TRAK2: variants seen among roughly 807,000 people sequenced by gnomAD.
The protein encoded by TRAK2 is trafficking kinesin protein 2.
A neutral mutation model predicts 104.6 loss-of-function variants in TRAK2; 81 were observed. The ratio of observed to expected loss-of-function variants is 0.77; its 90% CI spans 0.65 to 0.93. The LOEUF (loss-of-function observed/expected upper bound fraction) is 0.93, where lower values mean the gene tolerates loss of function less well. TRAK2 is among the 40% of genes least tolerant of loss of function. The pLI, the probability that TRAK2 is intolerant of heterozygous loss-of-function variation, is 0.00. For missense variants in TRAK2, 1,002 were observed against 1,089.0 expected (o/e 0.92, Z 1.12); for synonymous variants, 406 against 394.4 (o/e 1.03, Z -0.35).
chr2:201,387,000 C>T (rs1412139561), intron 13 of TRAK2, among the ~76,000 whole-genome samples: 2 of 152,204 alleles, frequency 1.3e-5, no homozygotes, highest in Non-Finnish European at 2.9e-5. Flanking sequence ...GATGCAATGT[C>T]TAATTATGTC....
intron 2 of TRAK2, chr2:201,412,116 C>T (rs1279263178): frequency 2.8e-6 from 3 of 1,066,622 alleles, no homozygotes; most frequent in Non-Finnish European, 4.4e-6. Flanking sequence ...ACATATTCTT[C>T]TTTGGTGCAT....
Position 201,451,337 on chromosome 2 carries a change from A to C in TRAK2, c.-200+13T>G, listed in dbSNP as rs374954067. ...AAGGGCAAGTTCGGGTTCTGCGCGG[A>C]CAGCTTACTCACTGGAGTGGTTCGG... On this transcript the variant is annotated intron_variant, in intron 1 of 15. Coordinates refer to ENST00000332624, the MANE Select transcript of TRAK2 (RefSeq NM_015049.3). 1.3e-5 allele frequency: 2 copies of C among 152,282 alleles called. No individual in the cohort carries two copies. Among genetic ancestry groups the C allele is most frequent in the South Asian group, 4.2e-4 (2 of 4,818 alleles). 9.4% of individuals were successfully genotyped at this position (152,282 alleles called of 1,614,324 possible).
chr2:201,410,584 C>T lies in TRAK2; in HGVS notation c.92-2987G>A, dbSNP rs1304728673. 54 of 1,253,348 alleles carry T rather than the reference C, an allele frequency of 4.3e-5. 1 individual carries two copies. The highest frequency in any genetic ancestry group is 1.5e-4 in the South Asian group (12 of 82,222). The allele number at this position is 1,253,348 out of a possible 1,614,324, so 77.6% of individuals were successfully genotyped here. On this transcript the variant is annotated intron_variant, in intron 2 of 15. Transcript: ENST00000332624. ...TTTAAAATCATTGCTAGCTGAACTG[C>T]TATTGGTCATAGCAGTTGGTGGCTA...
intron 1 of TRAK2, among the ~76,000 whole-genome samples, chr2:201,425,321 GTAAAC>G (rs1211711342): frequency 2.0e-5 from 3 of 152,154 alleles, no homozygotes; most frequent in Non-Finnish European, 1.5e-5. Context: ...CAGAATTTAG[GTAAAC>G]TAAACAACAG....
Position 201,407,431 on chromosome 2 carries a change from G to C in TRAK2, c.258C>G (p.Val86=). 1 of 1,613,928 alleles carries C rather than the reference G, an allele frequency of 6.2e-7. No homozygotes were observed. The highest frequency in any genetic ancestry group is 8.5e-7 in the Non-Finnish European group (1 of 1,179,886). The change falls in exon 3 of 16, where the codon GTC becomes GTG. Residue 86 remains valine (V), a synonymous_variant. Coordinates refer to ENST00000332624, the MANE Select transcript of TRAK2 (RefSeq NM_015049.3). ...TGTAACGGAAAGTCTCTTCAGCAAG[G>C]ACTGGAGAGAGAGCATCAGATGCAT... ...RQHASDALSP[V]LAEETFRYMI... is the part of the protein sequence containing the mutation.
chr2:201,440,613 G>A (rs1951913455), intron 1 of TRAK2, among the ~76,000 whole-genome samples: 2 of 152,110 alleles, frequency 1.3e-5, no homozygotes, highest in Non-Finnish European at 2.9e-5. Flanking sequence ...CTATTCTTTT[G>A]TGAGAATTTT....
At chr2:201,405,356 C>T (rs1351256533) in intron 3 of TRAK2, among the ~76,000 whole-genome samples, 1 of 152,216 alleles carries the variant, frequency 6.6e-6, no homozygotes, top group African/African-American at 2.4e-5. Context: ...TATACACTCT[C>T]TCCGATTCCT....
chr2:201,384,914 G>A (rs1951375100), intron 14 of TRAK2, among the ~76,000 whole-genome samples: 1 of 152,086 alleles, frequency 6.6e-6, no homozygotes, highest in Non-Finnish European at 1.5e-5. Context: ...GTTATCTAGA[G>A]GAAAACACTT....
intron 2 of TRAK2, chr2:201,410,767 A>C (rs1951638621): frequency 4.4e-6 from 7 of 1,592,118 alleles, no homozygotes; most frequent in Non-Finnish European, 6.0e-6. Context: ...CTGTTGTGAT[A>C]ATTGGTTCAT....
At chr2:201,390,582 GT>G (rs1951438183) in intron 10 of TRAK2, among the ~76,000 whole-genome samples, 2 of 123,548 alleles carry the variant, frequency 1.6e-5, no homozygotes. Context: ...AAAAAAAAAA[GT>G]AAAAACAAAA....
intron 1 of TRAK2, 105 bp downstream of exon 1, chr2:201,451,245 C>G (rs1024857597): frequency 6.6e-6 from 1 of 152,366 alleles, no homozygotes; most frequent in African/African-American, 2.4e-5. Flanking sequence ...CCGACGTCCG[C>G]GCGTGACCTC....
intron 1 of TRAK2, among the ~76,000 whole-genome samples, chr2:201,422,525 G>T (rs73988785): frequency 0.063 from 9,551 of 152,112 alleles, 626 homozygotes; most frequent in East Asian, 0.26. Context: ...TTACCCTCAA[G>T]AAGTAGAAAG....
chr2:201,412,008 T>C (rs886254755), intron 2 of TRAK2: 12 of 999,236 alleles, frequency 1.2e-5, no homozygotes, highest in Non-Finnish European at 1.6e-5. Context: ...GGAGGGGTTT[T>C]GGTTAGTAGC....
intron 10 of TRAK2, 106 bp from the exon 11 acceptor site, chr2:201,389,986 C>G: frequency 1.3e-6 from 1 of 771,520 alleles, no homozygotes. Flanking sequence ...AGGAAATAGT[C>G]AAGGCTAACA....
intron 4 of TRAK2, among the ~76,000 whole-genome samples, chr2:201,400,227 G>A (rs1951538428): frequency 6.6e-6 from 1 of 151,890 alleles, no homozygotes; most frequent in African/African-American, 2.4e-5. Flanking sequence ...ACTTCGCAAG[G>A]GCATAGGAAT....
At chr2:201,421,840 G>A (rs1355489738) in intron 1 of TRAK2, among the ~76,000 whole-genome samples, 1 of 151,980 alleles carries the variant, frequency 6.6e-6, no homozygotes, top group Non-Finnish European at 1.5e-5. Context: ...CTTGAGGTAA[G>A]GGGTTCCAGA....
At chr2:201,450,851 C>G (rs548168835) in intron 1 of TRAK2, among the ~76,000 whole-genome samples, 2 of 152,198 alleles carry the variant, frequency 1.3e-5, no homozygotes, top group Admixed American at 6.5e-5. Context: ...CTATTATTTA[C>G]GCTTCAAACT....
chr2:201,401,242 A>C, intron 3 of TRAK2, 148 bp from the exon 4 acceptor site: 2 of 505,192 alleles, frequency 4.0e-6, no homozygotes, highest in Non-Finnish European at 6.8e-6. Flanking sequence ...GAAAAAAAAG[A>C]AATGTTTCAT....
Position 201,381,095 on chromosome 2 carries a change from GGAATCTCGTCGGTTGGT to G in TRAK2, c.2176_2192del (p.Thr726HisfsTer6). On this transcript the variant is annotated frameshift_variant, in exon 16 of 16. Coordinates refer to ENST00000332624, the MANE Select transcript of TRAK2 (RefSeq NM_015049.3). LOFTEE classifies it high-confidence loss of function. Reference sequence around the variant, plus strand: ...TCATGGTGCTACTGAAGGTTGTAGTGGAATCTCGTCGGTTGGTGATGGACTCACCAATGCTGAGTCTA... The same window carrying G: ...TCATGGTGCTACTGAAGGTTGTAGTGGATGGACTCACCAATGCTGAGTCTA... 1 of 1,613,864 alleles carries G rather than the reference GGAATCTCGTCGGTTGGT, an allele frequency of 6.2e-7. No individual in the cohort carries two copies. The highest frequency in any genetic ancestry group is 8.5e-7 in the Non-Finnish European group (1 of 1,179,906).
Sources: allele counts gnomAD v4.1 joint callset (sites outside exome capture counted in the v4.1 genomes callset), GRCh38; gene constraint gnomAD v4.1.1; transcripts MANE v1.5; gene names NCBI Gene and HGNC (gene_info 2026-07-23, HGNC 2026-07-21).